NDRG2: variants seen among roughly 807,000 people sequenced by gnomAD.
NDRG2 encodes NDRG family member 2.
NDRG2 carries 34 observed loss-of-function variants against 58.2 expected under a neutral mutation model. The ratio of observed to expected loss-of-function variants is 0.58; its 90% CI spans 0.44 to 0.78. The LOEUF (loss-of-function observed/expected upper bound fraction) is 0.78, where lower values mean the gene tolerates loss of function less well. Among genes scored for constraint, NDRG2 ranks in the 30% least tolerant of loss-of-function variants. NDRG2 has a pLI of 0.00. For missense variants in NDRG2, 434 were observed against 471.2 expected (o/e 0.92, Z 0.73); for synonymous variants, 187 against 175.9 (o/e 1.06, Z -0.50).
At chr14:21,020,066 C>G in intron 8 of NDRG2, 90 bp from the exon 9 acceptor site, 4 of 1,207,002 alleles carry the variant, frequency 3.3e-6, no homozygotes, top group Non-Finnish European at 4.8e-6. Flanking sequence ...GAGGCCGAGG[C>G]GGGTGGATCA....
chr14:21,017,505 G>T lies in NDRG2; in HGVS notation c.*91C>A, dbSNP rs1877357509. On this transcript the variant is annotated 3_prime_UTR_variant, in exon 16 of 16. Transcript: ENST00000556147. ...CCGCATGATCTGCCCTTTTTCCCTT[G>T]CTTACGGTGGCCCAATGCCCCTTCA... 1.4e-6 allele frequency: 2 copies of T among 1,406,920 alleles called. No homozygotes were observed. The allele number at this position is 1,406,920 out of a possible 1,614,324, so 87.2% of individuals were successfully genotyped here.
At chr14:21,021,529 T>G (rs1387477053) in intron 6 of NDRG2, 1 of 435,840 alleles carries the variant, frequency 2.3e-6, no homozygotes. Flanking sequence ...TCACCCCCTT[T>G]CATTCCTCCC....
upstream of NDRG2, chr14:21,030,277 G>T: frequency 3.0e-6 from 1 of 333,954 alleles, no homozygotes; most frequent in South Asian, 4.0e-5. Context: ...GGCCGGGAAG[G>T]GTCAGACCAC....
chr14:21,035,871 C>T (rs974010593), intron 1 of NDRG2: 6 of 455,590 alleles, frequency 1.3e-5, no homozygotes, highest in African/African-American at 6.0e-5. Context: ...TACGGGGAGG[C>T]GGTCCTGCAT....
chr14:21,018,326 T>G, intron 13 of NDRG2, 87 bp from the exon 14 acceptor site: 1 of 1,604,962 alleles, frequency 6.2e-7, no homozygotes, highest in East Asian at 2.2e-5. Context: ...TTCCCTAGCT[T>G]CTTCACTCTA....
intron 1 of NDRG2, among the ~76,000 whole-genome samples, chr14:21,068,362 C>T (rs1011718146): frequency 4.0e-5 from 6 of 151,852 alleles, no homozygotes; most frequent in Non-Finnish European, 2.9e-5. Flanking sequence ...AGTTTGTGGA[C>T]CCCCATAGCC....
chr14:21,062,731 G>C (rs1021222906), intron 1 of NDRG2, among the ~76,000 whole-genome samples: 12 of 150,770 alleles, frequency 8.0e-5, no homozygotes, highest in African/African-American at 2.9e-4. Flanking sequence ...GTGTGTGTGT[G>C]TGTGTGTGTG....
chr14:21,026,110 C>T, upstream of NDRG2, among the ~76,000 whole-genome samples: 1 of 152,050 alleles, frequency 6.6e-6, no homozygotes. Flanking sequence ...TCTCGGTGCC[C>T]GAGTGGGTTT....
intron 10 of NDRG2, among the ~76,000 whole-genome samples, chr14:21,019,365 G>A (rs1878785641): frequency 6.6e-6 from 1 of 152,148 alleles, no homozygotes; most frequent in Non-Finnish European, 1.5e-5. Flanking sequence ...CCTGGTCAGA[G>A]GGCAACAAAA....
At chr14:21,060,905 C>T (rs4982397) in intron 1 of NDRG2, among the ~76,000 whole-genome samples, 19,322 of 152,198 alleles carry the variant, frequency 0.13, 1,521 homozygotes, top group Admixed American at 0.2. Flanking sequence ...ATAAAAGTTA[C>T]TGAGTTTTAT....
chr14:21,032,547 G>T (rs1884293997), intron 1 of NDRG2: 4 of 345,782 alleles, frequency 1.2e-5, no homozygotes, highest in South Asian at 8.6e-5. Context: ...CAGGTTTTTT[G>T]GGTGGAGGAG....
intron 1 of NDRG2, chr14:21,034,892 G>A (rs1219109490): frequency 6.6e-6 from 1 of 152,648 alleles, no homozygotes; most frequent in East Asian, 1.9e-4. Flanking sequence ...CCTCTACAGT[G>A]TCATTGGAAC....
intron 1 of NDRG2, among the ~76,000 whole-genome samples, chr14:21,047,875 A>G (rs1171497000): frequency 6.6e-6 from 1 of 152,116 alleles, no homozygotes; most frequent in African/African-American, 2.4e-5. Flanking sequence ...CACACACTGA[A>G]GTAAATGAGC....
intron 8 of NDRG2, 80 bp downstream of exon 8, chr14:21,020,412 CAGTT>C: frequency 9.2e-7 from 1 of 1,085,048 alleles, no homozygotes; most frequent in Non-Finnish European, 1.4e-6. Flanking sequence ...AGAGTCCATC[CAGTT>C]AGGCTATCTA....
upstream of NDRG2, among the ~76,000 whole-genome samples, chr14:21,027,503 T>C (rs1883773105): frequency 6.6e-6 from 1 of 152,262 alleles, no homozygotes; most frequent in Admixed American, 6.5e-5. Context: ...CAGTAAGTCC[T>C]ATAGCAGTAG....
chr14:21,063,489 C>T (rs767080064), intron 1 of NDRG2, among the ~76,000 whole-genome samples: 19 of 151,974 alleles, frequency 1.3e-4, no homozygotes, highest in Non-Finnish European at 2.6e-4. Context: ...GGGTCTTATG[C>T]GTATGTTCAA....
Position 21,035,482 on chromosome 14 carries a change from G to A in NDRG2, c.25-12161C>T, listed in dbSNP as rs565510459. Among the ~76,000 whole-genome samples, 138 of 152,300 alleles carry A rather than the reference G, an allele frequency of 9.1e-4. 3 individuals are homozygous for A. The highest frequency in any genetic ancestry group is 3.4e-3 in the Middle Eastern group (1 of 294). On this transcript the variant is annotated intron_variant, in intron 1 of 14. Transcript: ENST00000403829. The stretch of plus-strand genomic sequence containing the variant: ...AGAGCCAGCTCCCTGGAAACTGCTA[G>A]CTCTTGCCCTTGACTTCCACAGGTC...
At position 21,017,106 on chromosome 14, in the gene NDRG2, C is replaced by G; in HGVS notation, c.*490G>C. The stretch of plus-strand genomic sequence containing the variant: ...ATCCTGAGGACCACTAACCCACCAG[C>G]AAGTCTCCCCCTGACACACATTCAC... On this transcript the variant is annotated 3_prime_UTR_variant, in exon 16 of 16. Coordinates refer to ENST00000556147, the MANE Select transcript of NDRG2 (RefSeq NM_001320329.2). The G allele has an allele frequency of 4.6e-6, 2 of 430,348 alleles. No individual in the cohort carries two copies. The highest frequency in any genetic ancestry group is 1.6e-5 in the South Asian group (1 of 60,976). 26.7% of individuals were successfully genotyped at this position (430,348 alleles called of 1,614,324 possible).
At chr14:21,023,168 G>T in intron 2 of NDRG2, 73 bp downstream of exon 2, 2 of 1,276,150 alleles carry the variant, frequency 1.6e-6, no homozygotes, top group Non-Finnish European at 2.3e-6. Context: ...CAGTACGCTT[G>T]GGAAGTTAGA....
Sources: allele counts gnomAD v4.1 joint callset (sites outside exome capture counted in the v4.1 genomes callset), GRCh38; gene constraint gnomAD v4.1.1; transcripts MANE v1.5; gene names NCBI Gene and HGNC (gene_info 2026-07-23, HGNC 2026-07-21).